Variants in GRIN2B observed in about 807,000 individuals in gnomAD.
The protein encoded by GRIN2B is glutamate receptor ionotropic, NMDA 2B.
In GRIN2B, 5 loss-of-function variants were observed where a neutral mutation model predicts 114.5. That is an observed-to-expected ratio of 0.04 (90% confidence interval 0.02 to 0.09). The LOEUF (loss-of-function observed/expected upper bound fraction) is 0.09. Ranked by LOEUF, GRIN2B falls within the 10% of genes least tolerant of loss-of-function variation. GRIN2B has a pLI of 1.00. For missense variants in GRIN2B, 1,108 were observed against 1,943.5 expected (o/e 0.57, Z 8.08); for synonymous variants, 787 against 745.1 (o/e 1.06, Z -0.92).
At position 13,611,891 on chromosome 12, in the gene GRIN2B, G is replaced by A. The variant is rs1463324004; in HGVS notation, c.1655-41C>T. 5.6e-6 allele frequency: 9 copies of A among 1,605,522 alleles called. No homozygotes were observed. In the East Asian group the frequency reaches 1.3e-4, roughly 24 times the overall value. Reference sequence around the variant, plus strand: ...AAGCAGTGCTCAGGGTTAGAACAGAGAGCAAAAGAATTCGAATTAATTCAC... The same window carrying A: ...AAGCAGTGCTCAGGGTTAGAACAGAAAGCAAAAGAATTCGAATTAATTCAC... On this transcript the variant is annotated intron_variant, in intron 8 of 13. Coordinates refer to ENST00000609686, the MANE Select transcript of GRIN2B (RefSeq NM_000834.5).
chr12:13,709,903 C>G (rs1383227109), intron 4 of GRIN2B, among the ~76,000 whole-genome samples: 1 of 151,938 alleles, frequency 6.6e-6, no homozygotes, highest in Non-Finnish European at 1.5e-5. Flanking sequence ...TATCCTATAA[C>G]CAATTATTCA....
At chr12:13,739,412 G>GAAAAAAAAAAAAAAACAAAAA in intron 4 of GRIN2B, among the ~76,000 whole-genome samples, 1 of 133,900 alleles carries the variant, frequency 7.5e-6, no homozygotes, top group Non-Finnish European at 1.5e-5. Flanking sequence ...AGAAGAAAAG[G>GAAAAAAAAAAAAAAACAAAAA]AAAAAAAAAG....
rs1950345524 is a variant in GRIN2B at position 13,704,891 on chromosome 12, T to C, written c.1011-29032A>G. ...TCACTGATACTTTTATTCCTCATTT[T>C]TTACTGAGCCCTAATTTGGAGGAAT... On this transcript the variant is annotated intron_variant, in intron 4 of 13. Coordinates refer to ENST00000609686, the MANE Select transcript of GRIN2B (RefSeq NM_000834.5). 2.0e-5 allele frequency among the ~76,000 whole-genome samples: 3 copies of C among 152,206 alleles called. No individual in the cohort carries two copies. The South Asian group carries it at 6.2e-4, about 32-fold the overall frequency.
chr12:13,900,169 A>C (rs1291036646), intron 2 of GRIN2B, among the ~76,000 whole-genome samples: 1 of 152,126 alleles, frequency 6.6e-6, no homozygotes, highest in African/African-American at 2.4e-5. Flanking sequence ...TCATTGTGGA[A>C]TATACATATA....
At chr12:13,734,771 C>G (rs1450229616) in intron 4 of GRIN2B, among the ~76,000 whole-genome samples, 1 of 152,168 alleles carries the variant, frequency 6.6e-6, no homozygotes, top group East Asian at 1.9e-4. Context: ...ATGACTAATT[C>G]TGCCTGGAAT....
rs369515664 is a variant in GRIN2B at position 13,816,275 on chromosome 12, T to C, written c.411+49523A>G. ...CCTACAGTACTGTGGGACTTAACAA[T>C]GCTATAAAACAGGACCTAGAAAAGT... is the stretch of plus-strand genomic sequence containing the variant. On this transcript the variant is annotated intron_variant, in intron 3 of 13. Transcript: ENST00000609686. Among the ~76,000 whole-genome samples, 131 of 152,188 alleles carry C rather than the reference T, an allele frequency of 8.6e-4. 4 individuals are homozygous for C. In the South Asian group the frequency reaches 0.027, roughly 31 times the overall value.
Position 13,553,145 on chromosome 12 carries a change from A to G in GRIN2B, c.*9638T>C, listed in dbSNP as rs984284388. 6.6e-6 allele frequency: 1 copy of G among 152,216 alleles called. No individual in the cohort carries two copies. Among genetic ancestry groups the G allele is most frequent in the Non-Finnish European group, 1.5e-5 (1 of 68,052 alleles). 9.4% of individuals were successfully genotyped at this position (152,216 alleles called of 1,614,324 possible). On this transcript the variant is annotated 3_prime_UTR_variant, in exon 14 of 14. Transcript: ENST00000609686. ...CAAGAGTTTCTTCAGAGGGACAGAG[A>G]CTGACACTGGCTAGAAAGAATGATT... is the stretch of plus-strand genomic sequence containing the variant.
intron 3 of GRIN2B, among the ~76,000 whole-genome samples, chr12:13,816,393 T>C (rs1226463578): frequency 6.6e-6 from 1 of 152,232 alleles, no homozygotes; most frequent in African/African-American, 2.4e-5. Context: ...GTTCAGACTT[T>C]CTAGCAGTGT....
At position 13,553,245 on chromosome 12, in the gene GRIN2B, T is replaced by A. The variant is rs1365837060; in HGVS notation, c.*9538A>T. 2 of 152,150 alleles carry A rather than the reference T, an allele frequency of 1.3e-5. No homozygotes were observed. The highest frequency in any genetic ancestry group is 4.8e-5 in the African/African-American group (2 of 41,418). The allele number at this position is 152,150 out of a possible 1,614,324, so 9.4% of individuals were successfully genotyped here. A position where few individuals can be genotyped will look rare whatever the true frequency, so the allele number is the denominator to read the frequency against. ...CTTCAAGAATACAGGGACCAGAGGA[T>A]AAGGGAGGGCCATAAGGTCAGAAGT... is the stretch of plus-strand genomic sequence containing the variant. On this transcript the variant is annotated 3_prime_UTR_variant, in exon 14 of 14. Transcript: ENST00000609686.
intron 3 of GRIN2B, among the ~76,000 whole-genome samples, chr12:13,861,508 T>C (rs1865751385): frequency 5.3e-5 from 8 of 152,238 alleles, no homozygotes; most frequent in Admixed American, 2.0e-4. Context: ...AGGCTCTTTA[T>C]ACTCAGGTGG....
chr12:13,701,463 A>G (rs11612494), intron 4 of GRIN2B, among the ~76,000 whole-genome samples: 671 of 151,540 alleles, frequency 4.4e-3, no homozygotes, highest in Middle Eastern at 0.014. Flanking sequence ...TCATTTAACT[A>G]ATACTTACCA....
chr12:13,900,845 T>C (rs1468711995), intron 2 of GRIN2B, among the ~76,000 whole-genome samples: 2 of 152,096 alleles, frequency 1.3e-5, no homozygotes, highest in Non-Finnish European at 2.9e-5. Context: ...GATTTGGCCA[T>C]GTTGTTGGGA....
chr12:13,926,817 G>T (rs1326001584), intron 2 of GRIN2B, among the ~76,000 whole-genome samples: 1 of 152,158 alleles, frequency 6.6e-6, no homozygotes, highest in Non-Finnish European at 1.5e-5. Context: ...GCCGGGTATG[G>T]TGGCAGGCGC....
chr12:13,751,887 G>C (rs963638657), intron 4 of GRIN2B, among the ~76,000 whole-genome samples: 4 of 152,146 alleles, frequency 2.6e-5, no homozygotes, highest in African/African-American at 7.2e-5. Context: ...TAAAACAGGA[G>C]TGTGCTAAGG....
Position 13,538,815 on chromosome 12 carries a change from A to AAAAC in GRIN2B, c.*23964_*23967dup, listed in dbSNP as rs1257192948. On this transcript the variant is annotated 3_prime_UTR_variant, in exon 14 of 14. Coordinates refer to ENST00000609686, the MANE Select transcript of GRIN2B (RefSeq NM_000834.5). The stretch of plus-strand genomic sequence containing the variant: ...GGATGACAGAGCAAGACCCTCTTAA[A>AAAAC]AAACAAACAAACAAAAAAAAAACAA... 6.6e-6 allele frequency: 1 copy of AAAAC among 151,672 alleles called. No homozygotes were observed. Among genetic ancestry groups the AAAAC allele is most frequent in the African/African-American group, 2.4e-5 (1 of 41,314 alleles). The allele number at this position is 151,672 out of a possible 1,614,324, so 9.4% of individuals were successfully genotyped here. A position where few individuals can be genotyped will look rare whatever the true frequency, so the allele number is the denominator to read the frequency against.
intron 5 of GRIN2B, among the ~76,000 whole-genome samples, chr12:13,636,374 G>A (rs1319160669): frequency 6.6e-6 from 1 of 152,114 alleles, no homozygotes; most frequent in African/African-American, 2.4e-5. Context: ...TGTATGTGGT[G>A]GAAAGTCATG....
intron 4 of GRIN2B, among the ~76,000 whole-genome samples, chr12:13,687,902 T>C (rs1941752686): frequency 6.6e-6 from 1 of 152,224 alleles, no homozygotes; most frequent in Admixed American, 6.5e-5. Context: ...ATCTCATAGC[T>C]TTCTGATCTA....
chr12:13,720,181 G>A (rs561398339), intron 4 of GRIN2B, among the ~76,000 whole-genome samples: 20 of 152,104 alleles, frequency 1.3e-4, no homozygotes, highest in African/African-American at 4.8e-4. Context: ...ATAATCCCCT[G>A]GCTTGTGTCA....
chr12:13,588,585 T>G (rs1565464943), intron 10 of GRIN2B, among the ~76,000 whole-genome samples: 1 of 152,208 alleles, frequency 6.6e-6, no homozygotes, highest in Admixed American at 6.5e-5. Context: ...TCTTACAGGA[T>G]GTAAAACCAC....
Sources: gnomAD v4.1 joint callset for allele counts (sites outside exome capture counted in the v4.1 genomes callset) on GRCh38, gnomAD v4.1.1 for gene constraint, MANE v1.5 for transcripts, NCBI Gene and HGNC (gene_info 2026-07-23, HGNC 2026-07-21) for gene names.